CGGBP1: variants seen among roughly 807,000 people sequenced by gnomAD.
The protein encoded by CGGBP1 is CGG triplet repeat binding protein 1, also known as CGG triplet repeat-binding protein 1.
In CGGBP1, 4 loss-of-function variants were observed where a neutral mutation model predicts 11.4. The observed-to-expected ratio is 0.35, with a 90% CI of 0.17 to 0.80. The LOEUF is 0.80. Among genes scored for constraint, CGGBP1 ranks in the 30% least tolerant of loss-of-function variants. The probability of loss-of-function intolerance (pLI) is 0.52; values close to 1 mark genes in which losing one functional copy is unlikely to be tolerated. For missense variants in CGGBP1, 135 were observed against 202.1 expected, an observed-to-expected ratio of 0.67 and a Z score of 2.01; for synonymous variants, 76 against 74.1, an observed-to-expected ratio of 1.03 and a Z score of -0.13.
At chr3:88,132,069 T>C (rs1706497988) in intron 2 of CGGBP1, among the ~76,000 whole-genome samples, 1 of 152,192 alleles carries the variant, frequency 6.6e-6, no homozygotes, top group African/African-American at 2.4e-5. Context: ...GCTTTATATA[T>C]GCACATGTCA....
intron 2 of CGGBP1, among the ~76,000 whole-genome samples, chr3:88,106,073 T>A (rs1704718643): frequency 6.6e-6 from 1 of 152,212 alleles, no homozygotes; most frequent in South Asian, 2.1e-4. Flanking sequence ...ACACCAAACC[T>A]GTTGGCGCTC....
chr3:88,092,528 T>G (rs1703804713), intron 2 of CGGBP1, among the ~76,000 whole-genome samples: 1 of 152,078 alleles, frequency 6.6e-6, no homozygotes, highest in South Asian at 2.1e-4. Context: ...ATAACTTAGA[T>G]GAAGGAGCAG....
intron 2 of CGGBP1, among the ~76,000 whole-genome samples, chr3:88,097,659 G>C (rs1343081245): frequency 2.0e-5 from 3 of 151,734 alleles, no homozygotes; most frequent in African/African-American, 7.3e-5. Flanking sequence ...AATCAAATTA[G>C]AACTCAGGAT....
At position 88,055,435 on chromosome 3, in the gene CGGBP1, C is replaced by G; in HGVS notation, c.*38G>C. 1 of 1,476,718 alleles carries G rather than the reference C, an allele frequency of 6.8e-7. No individual in the cohort carries two copies. The highest frequency in any genetic ancestry group is 9.1e-7 in the Non-Finnish European group (1 of 1,104,910). 91.5% of individuals were successfully genotyped at this position (1,476,718 alleles called of 1,614,324 possible). On this transcript the variant is annotated 3_prime_UTR_variant, in exon 4 of 4. Transcript: ENST00000482016. The surrounding 1 kb of genome is among the most constrained non-coding windows in gnomAD (Gnocchi z 4.2). Reference sequence around the variant, plus strand: ...ACAATCAACACATAACTTTAATACTCCACATTTATCTTGATCACAATGGTG... The same window carrying G: ...ACAATCAACACATAACTTTAATACTGCACATTTATCTTGATCACAATGGTG...
intron 2 of CGGBP1, chr3:88,140,399 G>C: frequency 6.2e-7 from 1 of 1,613,076 alleles, no homozygotes. Flanking sequence ...CTATTAGTCT[G>C]CCAGTTTCTA....
intron 2 of CGGBP1, among the ~76,000 whole-genome samples, chr3:88,112,832 G>A (rs1705171804): frequency 6.6e-6 from 1 of 151,954 alleles, no homozygotes; most frequent in Admixed American, 6.6e-5. Context: ...GACCTTGTAT[G>A]CCATTAAATT....
chr3:88,095,741 A>AT (rs2107694436), intron 2 of CGGBP1: 3 of 391,404 alleles, frequency 7.7e-6, no homozygotes, highest in South Asian at 6.0e-5. Flanking sequence ...CAGGCTTGTT[A>AT]TTTTAACCCT....
chr3:88,122,032 T>A (rs1351280263), intron 2 of CGGBP1, among the ~76,000 whole-genome samples: 2 of 152,192 alleles, frequency 1.3e-5, no homozygotes, highest in Admixed American at 6.6e-5. Context: ...ATGTCAACAC[T>A]TAAGATAGTA....
At chr3:88,107,643 A>G (rs1002767934) in intron 2 of CGGBP1, among the ~76,000 whole-genome samples, 1 of 151,116 alleles carries the variant, frequency 6.6e-6, no homozygotes, top group Non-Finnish European at 1.5e-5. Context: ...GTGTTCCTTA[A>G]CTCTTGCTTC....
chr3:88,059,245 G>C (rs1477481676), upstream of CGGBP1: 1 of 1,526,138 alleles, frequency 6.6e-7, no homozygotes, highest in Non-Finnish European at 8.7e-7. Context: ...CTAGAGAGGA[G>C]GAGGAGGTTA....
intron 2 of CGGBP1, chr3:88,139,524 A>G (rs774708329): frequency 2.5e-6 from 4 of 1,613,432 alleles, no homozygotes; most frequent in Non-Finnish European, 2.5e-6. Context: ...TTTGGAAGAA[A>G]TAAATTGTTC....
chr3:88,103,096 C>T (rs897791256), intron 2 of CGGBP1, among the ~76,000 whole-genome samples: 28 of 152,018 alleles, frequency 1.8e-4, no homozygotes, highest in Non-Finnish European at 2.4e-4. Flanking sequence ...TCTGTTCATG[C>T]GTTAATTCAC....
At chr3:88,101,105 C>CT (rs201217767) in intron 2 of CGGBP1, among the ~76,000 whole-genome samples, 2 of 152,084 alleles carry the variant, frequency 1.3e-5, no homozygotes, top group Non-Finnish European at 2.9e-5. Flanking sequence ...TGCTAGTTAT[C>CT]TTTTTTTATG....
chr3:88,071,972 A>T (rs4588391), intron 2 of CGGBP1, among the ~76,000 whole-genome samples: 2 of 152,074 alleles, frequency 1.3e-5, no homozygotes, highest in Non-Finnish European at 2.9e-5. Flanking sequence ...TTTCTTGTCA[A>T]ACAGTACATA....
chr3:88,071,038 A>T (rs1447419917), intron 2 of CGGBP1, among the ~76,000 whole-genome samples: 1 of 152,204 alleles, frequency 6.6e-6, no homozygotes, highest in African/African-American at 2.4e-5. Context: ...AAACTCATTC[A>T]TCGGTTCTCA....
chr3:88,088,005 T>G (rs1305706958), intron 2 of CGGBP1, among the ~76,000 whole-genome samples: 1 of 152,192 alleles, frequency 6.6e-6, no homozygotes, highest in Non-Finnish European at 1.5e-5. Flanking sequence ...TCAGTAAGTA[T>G]AAATACAAAT....
At chr3:88,097,787 G>T (rs1704152058) in intron 2 of CGGBP1, among the ~76,000 whole-genome samples, 1 of 152,064 alleles carries the variant, frequency 6.6e-6, no homozygotes, top group Admixed American at 6.6e-5. Flanking sequence ...AAACCAATGA[G>T]AACAAAGACA....
intron 2 of CGGBP1, chr3:88,140,074 T>G: frequency 6.2e-7 from 1 of 1,613,806 alleles, no homozygotes; most frequent in Non-Finnish European, 8.5e-7. Flanking sequence ...TCTCAACATT[T>G]TATAGACCAC....
chr3:88,129,694 T>C (rs1576338604), intron 2 of CGGBP1: 2 of 1,487,646 alleles, frequency 1.3e-6, no homozygotes, highest in East Asian at 5.0e-5. Context: ...CAGCATTTAT[T>C]GAAAACTGAT....
Sources: allele counts gnomAD v4.1 joint callset (sites outside exome capture counted in the v4.1 genomes callset), GRCh38; gene constraint gnomAD v4.1.1; non-coding constraint Gnocchi (gnomAD v3.1); transcripts MANE v1.5; gene names NCBI Gene and HGNC (gene_info 2026-07-23, HGNC 2026-07-21).